The following RCC2 variants were observed in gnomAD, a reference collection of about 807,000 sequenced individuals.
RCC2 encodes the protein regulator of chromosome condensation 2, also known as protein RCC2.
RCC2 carries 19 observed loss-of-function variants against 64.1 expected under a neutral mutation model. The observed-to-expected ratio is 0.30, with a 90% CI of 0.21 to 0.44. The LOEUF (loss-of-function observed/expected upper bound fraction) is 0.44, where lower values mean the gene tolerates loss of function less well. Among genes scored for constraint, RCC2 ranks in the 20% least tolerant of loss-of-function variants. RCC2 has a pLI of 1.00. For missense variants in RCC2, 508 were observed against 710.4 expected (o/e 0.72, Z 3.24); for synonymous variants, 325 against 279.6 (o/e 1.16, Z -1.62).
chr1:17,438,668 G>T, intron 1 of RCC2, 146 bp from the exon 2 acceptor site: 2 of 769,060 alleles, frequency 2.6e-6, no homozygotes, highest in African/African-American at 1.8e-5. Context: ...GAGGGGGCGA[G>T]TTGGGAGAGG....
At chr1:17,430,945 T>C (rs976659609) in intron 2 of RCC2, among the ~76,000 whole-genome samples, 1 of 151,874 alleles carries the variant, frequency 6.6e-6, no homozygotes, top group Non-Finnish European at 1.5e-5. Context: ...CTCAAATTCC[T>C]GACCGCAGGT....
intron 2 of RCC2, among the ~76,000 whole-genome samples, chr1:17,434,137 C>G (rs2075712203): frequency 1.3e-5 from 2 of 152,194 alleles, no homozygotes; most frequent in Non-Finnish European, 2.9e-5. Context: ...ACACTGCCAT[C>G]AATATTTGGA....
chr1:17,438,487 C>T lies in RCC2; in HGVS notation c.28G>A (p.Ala10Thr). MPRKKAAAA[A>T]WEEPSSGNGT... Reference sequence around the variant, plus strand: ...TTGCCCGAGCTCGGCTCCTCCCAGGCCGCCGCCGCCGCCTTCTTCCTGGGC... The same window carrying T: ...TTGCCCGAGCTCGGCTCCTCCCAGGTCGCCGCCGCCGCCTTCTTCCTGGGC... Residue 10 changes from alanine (A) to threonine (T), a missense_variant, in exon 2 of 13, where the codon GCC becomes ACC. Ala to Thr is a moderately conservative substitution (Grantham distance 58). This residue lies in a region of RCC2 where 195 missense variants were observed against 158.3 expected (regional missense o/e 1.23). Transcript: ENST00000375436. 1 of 1,332,748 alleles carries T rather than the reference C, an allele frequency of 7.5e-7. No homozygotes were observed. The highest frequency in any genetic ancestry group is 2.2e-5 in the South Asian group (1 of 45,834). The allele number at this position is 1,332,748 out of a possible 1,614,324, so 82.6% of individuals were successfully genotyped here. A position where few individuals can be genotyped will look rare whatever the true frequency, so the allele number is the denominator to read the frequency against.
rs2100405100 is a variant in RCC2, at chr1:17,438,511, G to T, written c.4C>A (p.Pro2Thr). Reference sequence around the variant, plus strand: ...GCCGCCGCCGCCGCCTTCTTCCTGGGCATGGTCGCGGCTGGAGGGAGACAC... The same window carrying T: ...GCCGCCGCCGCCGCCTTCTTCCTGGTCATGGTCGCGGCTGGAGGGAGACAC... M[P>T]RKKAAAAAWE... is the part of the protein sequence containing the mutation. The change falls in exon 2 of 13, where the codon CCC becomes ACC. Residue 2 changes from proline to threonine, a missense_variant. Physicochemically the swap from Pro to Thr is conservative, Grantham distance 38 (BLOSUM62 -1). Around this residue, in one of 4 missense-constraint regions of RCC2, gnomAD observed 195 missense variants for 158.3 expected, o/e 1.23. Transcript: ENST00000375436. The T allele has an allele frequency of 7.4e-7, 1 of 1,343,012 alleles. No individual in the cohort carries two copies. Among genetic ancestry groups the T allele is most frequent in the Non-Finnish European group, 9.5e-7 (1 of 1,049,384 alleles). The allele number at this position is 1,343,012 out of a possible 1,614,324, so 83.2% of individuals were successfully genotyped here.
rs533357479 is a variant in RCC2 at position 17,416,328 on chromosome 1, C to G, written c.1026+152G>C. The G allele has an allele frequency of 1.4e-4, 113 of 779,766 alleles. 1 individual carries two copies. The highest frequency in any genetic ancestry group is 8.2e-4 in the South Asian group (44 of 53,434). The allele number at this position is 779,766 out of a possible 1,614,324, so 48.3% of individuals were successfully genotyped here. On this transcript the variant is annotated intron_variant, in intron 8 of 12. Coordinates refer to ENST00000375436, the MANE Select transcript of RCC2 (RefSeq NM_018715.4). ...GGAACCCTGCCCTGGGACCAAGGAC[C>G]CTTTGGCCAAGGTGCAAAGCCCTCT...
In RCC2 at chr1:17,409,394, C is replaced by A. The variant is rs555517754; in HGVS notation, c.1465-200G>T. Among the ~76,000 whole-genome samples, 374 of 152,336 alleles carry A rather than the reference C, an allele frequency of 2.5e-3. No individual in the cohort carries two copies. In the Middle Eastern group the frequency reaches 0.031, roughly 12 times the overall value. Reference sequence around the variant, plus strand: ...CAACGCTCTGCCAATCAGAGCCTTCCAGGCTGCCCTGGGAGACCCAGCTGG... The same window carrying A: ...CAACGCTCTGCCAATCAGAGCCTTCAAGGCTGCCCTGGGAGACCCAGCTGG... On this transcript the variant is annotated intron_variant, in intron 12 of 12. Transcript: ENST00000375436.
intron 3 of RCC2, 123 bp downstream of exon 3, chr1:17,428,983 G>C (rs2075646842): frequency 2.6e-6 from 2 of 764,564 alleles, no homozygotes; most frequent in East Asian, 5.0e-5. Flanking sequence ...GTGGCCTCAG[G>C]CAAGTCACTT....
chr1:17,413,528 A>C lies in RCC2; in HGVS notation c.1207+9T>G. On this transcript the variant is annotated intron_variant, in intron 9 of 12. Transcript: ENST00000375436. ...AGCACTGATAAGCCAGGGGGCAGAA[A>C]TCACTAACCCACTTCACTGACAGCA... The C allele has an allele frequency of 6.2e-7, 1 of 1,613,882 alleles. No individual in the cohort carries two copies. The highest frequency in any genetic ancestry group is 1.1e-5 in the South Asian group (1 of 91,072).
intron 1 of RCC2, among the ~76,000 whole-genome samples, 162 bp downstream of exon 1, chr1:17,439,383 G>T (rs1487043403): frequency 2.1e-5 from 3 of 144,412 alleles, no homozygotes; most frequent in African/African-American, 5.1e-5. Context: ...GTCTGTCTCC[G>T]ATTAAACCAC....
chr1:17,437,704 C>T (rs982786583), intron 2 of RCC2, among the ~76,000 whole-genome samples: 1 of 146,902 alleles, frequency 6.8e-6, no homozygotes, highest in Non-Finnish European at 1.5e-5. Context: ...GCCCCGCCCC[C>T]CCCGGGCGCC....
At chr1:17,429,585 C>T (rs952034582) in intron 2 of RCC2, among the ~76,000 whole-genome samples, 2 of 152,194 alleles carry the variant, frequency 1.3e-5, no homozygotes, top group African/African-American at 4.8e-5. Flanking sequence ...AGGGCCAAGT[C>T]TCTATTTCAC....
chr1:17,436,424 C>T (rs2075736156), intron 2 of RCC2, among the ~76,000 whole-genome samples: 1 of 152,208 alleles, frequency 6.6e-6, no homozygotes, highest in Admixed American at 6.5e-5. Context: ...ACAAAAATCA[C>T]TTGAACCTGA....
chr1:17,415,218 C>T (rs905266849), intron 8 of RCC2, among the ~76,000 whole-genome samples: 7 of 152,226 alleles, frequency 4.6e-5, no homozygotes, highest in Middle Eastern at 3.2e-3. Context: ...ATCTCCTACC[C>T]TAGTCCTAGC....
At chr1:17,409,290 C>A (rs995510705) in intron 12 of RCC2, 96 bp from the exon 13 acceptor site, 6 of 817,216 alleles carry the variant, frequency 7.3e-6, no homozygotes, top group African/African-American at 5.1e-5. Flanking sequence ...AGCGGGTCAG[C>A]ATGGAGAAAA....
intron 5 of RCC2, 124 bp downstream of exon 5, chr1:17,422,581 G>T: frequency 7.7e-7 from 1 of 1,304,488 alleles, no homozygotes. Flanking sequence ...AAGGTTCTCA[G>T]GGCCTCTTTC....
chr1:17,416,412 A>G (rs904754259), intron 8 of RCC2, 68 bp downstream of exon 8: 18 of 1,516,888 alleles, frequency 1.2e-5, no homozygotes, highest in South Asian at 1.3e-5. Context: ...AAGCGTCAGG[A>G]AACTTGAGCA....
At chr1:17,425,800 G>A (rs1487131945) in intron 3 of RCC2, 116 bp from the exon 4 acceptor site, 2 of 1,066,534 alleles carry the variant, frequency 1.9e-6, no homozygotes, top group African/African-American at 1.6e-5. Flanking sequence ...TGTTCCTCGG[G>A]TGCCACCCTG....
rs71014951 is a variant in RCC2, at chr1:17,431,359, A to AATATATATATATAT, written c.286-2174_286-2161dup. ...AAAAAAAAAAAAAAAAAAAAAAAAA[A>AATATATATATATAT]ATATATATATATATATATATATGTG... On this transcript the variant is annotated intron_variant, in intron 2 of 12. Coordinates refer to ENST00000375436, the MANE Select transcript of RCC2 (RefSeq NM_018715.4). 1.7e-3 allele frequency among the ~76,000 whole-genome samples: 75 copies of AATATATATATATAT among 44,898 alleles called. 2 individuals carry two copies. The highest frequency in any genetic ancestry group is 6.1e-3 in the African/African-American group (57 of 9,404). 29.5% of individuals were successfully genotyped at this position (44,898 alleles called of 152,430 possible).
intron 2 of RCC2, 147 bp downstream of exon 2, chr1:17,438,083 A>C (rs966882576): frequency 9.9e-5 from 42 of 423,138 alleles, no homozygotes; most frequent in Non-Finnish European, 1.3e-4. Flanking sequence ...GGCGGAGGCA[A>C]TGATTCAGCC....
Sources: allele counts gnomAD v4.1 joint callset (sites outside exome capture counted in the v4.1 genomes callset), GRCh38; gene constraint gnomAD v4.1.1; regional missense constraint gnomAD v4.1.1; transcripts MANE v1.5; gene names NCBI Gene and HGNC (gene_info 2026-07-23, HGNC 2026-07-21).